ASTN1: variants seen among roughly 807,000 people sequenced by gnomAD.
ASTN1 encodes the protein astrotactin-1.
In ASTN1, 41 loss-of-function variants were observed where a neutral mutation model predicts 140.7. The ratio of observed to expected loss-of-function variants is 0.29; its 90% CI spans 0.23 to 0.38. The LOEUF (loss-of-function observed/expected upper bound fraction) is 0.38. Ranked by LOEUF, ASTN1 falls within the 10% of genes least tolerant of loss-of-function variation. ASTN1 has a pLI of 1.00. For missense variants in ASTN1, 1,479 were observed against 1,678.8 expected (o/e 0.88, Z 2.08); for synonymous variants, 640 against 652.2 (o/e 0.98, Z 0.29).
intron 1 of ASTN1, among the ~76,000 whole-genome samples, chr1:177,116,717 A>G (rs1681108601): frequency 6.6e-6 from 1 of 152,116 alleles, no homozygotes; most frequent in Non-Finnish European, 1.5e-5. Flanking sequence ...ACCAGCCTTC[A>G]CCTCAACTAT....
chr1:177,164,668 T>A lies in ASTN1; in HGVS notation c.9A>T (p.Leu3Phe). Residue 3 changes from leucine (L) to phenylalanine (F), a missense_variant, in exon 1 of 23, where the codon TTA becomes TTT. This residue lies in a region of ASTN1 where 729 missense variants were observed against 860.4 expected (regional missense o/e 0.85). Transcript: ENST00000361833. The stretch of plus-strand genomic sequence containing the variant: ...AGGCGAGCAGGGCGCAGAGCCCGGC[T>A]AAAGCCATCTTGAGCCCCGGCCGCC... MA[L>F]AGLCALLACC... 3 of 1,576,002 alleles carry A rather than the reference T, an allele frequency of 1.9e-6. No homozygotes were observed. Among genetic ancestry groups the A allele is most frequent in the Non-Finnish European group, 2.6e-6 (3 of 1,161,804 alleles).
intron 1 of ASTN1, among the ~76,000 whole-genome samples, chr1:177,130,248 A>G (rs1409846338): frequency 6.6e-6 from 1 of 152,180 alleles, no homozygotes; most frequent in Non-Finnish European, 1.5e-5. Flanking sequence ...GGCCAGAGAT[A>G]AAACTAGGCT....
Position 177,002,376 on chromosome 1 carries a change from AACACACACACACAC to A in ASTN1, c.1523+12401_1523+12414del, listed in dbSNP as rs3979529. ...AATAATAAAATGTGCCTTACACACA[AACACACACACACAC>A]ACACACACACACACACACACACACA... On this transcript the variant is annotated intron_variant, in intron 8 of 22. Transcript: ENST00000361833. Among the ~76,000 whole-genome samples the A allele has an allele frequency of 9.0e-3, 1,331 of 148,670 alleles. 72 individuals carry two copies. Among genetic ancestry groups the A allele is most frequent in the Admixed American group, 0.078 (1,153 of 14,838 alleles).
intron 8 of ASTN1, among the ~76,000 whole-genome samples, chr1:176,973,413 C>T (rs145347487): frequency 6.6e-6 from 1 of 152,156 alleles, no homozygotes; most frequent in African/African-American, 2.4e-5. Context: ...CTTCATCATA[C>T]TTGTCTGAAA....
At chr1:177,040,577 C>A (rs1355182279) in intron 2 of ASTN1, among the ~76,000 whole-genome samples, 1 of 152,222 alleles carries the variant, frequency 6.6e-6, no homozygotes, top group South Asian at 2.1e-4. Context: ...GAGGCAAAGG[C>A]TAAGACCAAG....
chr1:177,012,319 A>G (rs1295694609), intron 8 of ASTN1, among the ~76,000 whole-genome samples: 1 of 152,190 alleles, frequency 6.6e-6, no homozygotes, highest in Non-Finnish European at 1.5e-5. Context: ...TTGTCATTTT[A>G]TGAGGAAAAA....
intron 8 of ASTN1, among the ~76,000 whole-genome samples, chr1:176,983,970 T>C (rs1286391365): frequency 1.3e-5 from 2 of 152,186 alleles, no homozygotes; most frequent in East Asian, 1.9e-4. Flanking sequence ...TGTTTAATTG[T>C]GCTGCTGTAG....
chr1:176,885,574 A>G (rs1669001462), intron 18 of ASTN1, among the ~76,000 whole-genome samples: 1 of 152,098 alleles, frequency 6.6e-6, no homozygotes, highest in Non-Finnish European at 1.5e-5. Context: ...AGATATCATG[A>G]TCACTCATAT....
chr1:176,927,041 T>A (rs1027314326), intron 16 of ASTN1, among the ~76,000 whole-genome samples: 3 of 152,338 alleles, frequency 2.0e-5, no homozygotes, highest in Admixed American at 2.0e-4. Flanking sequence ...AGACATGACA[T>A]CTTGTCTGCT....
At chr1:176,879,952 T>C (rs72718633) in intron 20 of ASTN1, among the ~76,000 whole-genome samples, 25,015 of 152,232 alleles carry the variant, frequency 0.16, 2,566 homozygotes, top group Middle Eastern at 0.27. Flanking sequence ...GGAAATGCCA[T>C]GTGCGGTCAT....
intron 16 of ASTN1, among the ~76,000 whole-genome samples, chr1:176,918,579 C>T (rs1394021516): frequency 6.6e-6 from 1 of 152,154 alleles, no homozygotes; most frequent in Non-Finnish European, 1.5e-5. Context: ...TCTTCCCTCC[C>T]CAAGCCCCAC....
chr1:177,155,169 A>G (rs1407007141), intron 1 of ASTN1, among the ~76,000 whole-genome samples: 1 of 152,202 alleles, frequency 6.6e-6, no homozygotes, highest in Non-Finnish European at 1.5e-5. Context: ...AACTACATTG[A>G]TGGTAAAAGA....
intron 1 of ASTN1, among the ~76,000 whole-genome samples, chr1:177,123,068 C>T (rs1681478691): frequency 1.3e-5 from 2 of 152,164 alleles, no homozygotes; most frequent in Non-Finnish European, 2.9e-5. Flanking sequence ...TAATACCACA[C>T]ATAAGCCATA....
intron 8 of ASTN1, among the ~76,000 whole-genome samples, chr1:176,998,105 G>A (rs935926455): frequency 2.6e-5 from 4 of 152,074 alleles, no homozygotes; most frequent in Non-Finnish European, 5.9e-5. Flanking sequence ...CATACATCAT[G>A]CTGAAAGCCA....
chr1:176,941,023 C>G, intron 14 of ASTN1, among the ~76,000 whole-genome samples: 1 of 152,014 alleles, frequency 6.6e-6, no homozygotes, highest in East Asian at 1.9e-4. Context: ...ATAAGAAAAA[C>G]AACAAATAAA....
chr1:177,112,830 C>G (rs1306061616), intron 1 of ASTN1, among the ~76,000 whole-genome samples: 2 of 152,142 alleles, frequency 1.3e-5, no homozygotes, highest in Non-Finnish European at 2.9e-5. Context: ...TCAAGTCAGT[C>G]TGTTATGCCC....
intron 5 of ASTN1, among the ~76,000 whole-genome samples, chr1:177,025,845 C>T (rs1676082636): frequency 6.6e-6 from 1 of 152,130 alleles, no homozygotes; most frequent in Non-Finnish European, 1.5e-5. Context: ...CTCCAGTGCT[C>T]AGGGTTTGAT....
intron 8 of ASTN1, among the ~76,000 whole-genome samples, chr1:176,991,016 A>G (rs1410981583): frequency 2.6e-5 from 4 of 152,204 alleles, no homozygotes; most frequent in South Asian, 4.1e-4. Flanking sequence ...CTGTAAGCCA[A>G]TCCCTTTGCC....
chr1:177,052,388 T>C (rs1238993928), intron 2 of ASTN1, among the ~76,000 whole-genome samples: 1 of 152,176 alleles, frequency 6.6e-6, no homozygotes, highest in Non-Finnish European at 1.5e-5. Flanking sequence ...ATAAGAATCA[T>C]CTCATTTAAT....
Sources: gnomAD v4.1 joint callset for allele counts (sites outside exome capture counted in the v4.1 genomes callset) on GRCh38, gnomAD v4.1.1 for gene constraint, gnomAD v4.1.1 regional missense constraint, MANE v1.5 for transcripts, NCBI Gene and HGNC (gene_info 2026-07-23, HGNC 2026-07-21) for gene names.